The following ARHGEF10 variants were observed in gnomAD, a reference collection of about 807,000 sequenced individuals.
ARHGEF10 encodes the protein Rho guanine nucleotide exchange factor (GEF) 10.
A neutral mutation model predicts 147.4 loss-of-function variants in ARHGEF10; 140 were observed. The observed-to-expected ratio is 0.95, with a 90% CI of 0.83 to 1.09. The LOEUF is 1.09. Ranked by LOEUF, ARHGEF10 falls within the 50% of genes least tolerant of loss-of-function variation. ARHGEF10 has a pLI of 0.00. For missense variants in ARHGEF10, 2,222 were observed against 1,752.7 expected, an observed-to-expected ratio of 1.27 and a Z score of -4.78; for synonymous variants, 902 against 695.8, an observed-to-expected ratio of 1.30 and a Z score of -4.67.
At chr8:1,936,227 C>A (rs927547450) in intron 26 of ARHGEF10, among the ~76,000 whole-genome samples, 4 of 152,190 alleles carry the variant, frequency 2.6e-5, no homozygotes, top group Non-Finnish European at 4.4e-5. Context: ...ATTAAAAATT[C>A]CTCTGGGCCG....
intron 10 of ARHGEF10, among the ~76,000 whole-genome samples, chr8:1,883,994 G>A (rs1438530032): frequency 6.6e-6 from 1 of 152,148 alleles, no homozygotes; most frequent in South Asian, 2.1e-4. Context: ...TGGGTGTGTG[G>A]GACAGTCTGA....
At chr8:1,942,900 G>A (rs893137242) in intron 26 of ARHGEF10, among the ~76,000 whole-genome samples, 10 of 152,192 alleles carry the variant, frequency 6.6e-5, no homozygotes, top group African/African-American at 1.2e-4. Context: ...GAGACAGAAC[G>A]TGGATGGGAT....
At position 1,859,989 on chromosome 8, in the gene ARHGEF10, G is replaced by T. The variant is rs553433408; in HGVS notation, c.286G>T (p.Asp96Tyr). The T allele has an allele frequency of 2.5e-6, 4 of 1,613,990 alleles. No individual in the cohort carries two copies. Among genetic ancestry groups the T allele is most frequent in the African/African-American group, 1.3e-5 (1 of 74,894 alleles). ...GAAAGTCAACCCATATTCTGTCATCGACATCACGCCATTCCAGGAGGACCA... is the reference window on the plus strand; with the variant it reads ...GAAAGTCAACCCATATTCTGTCATCTACATCACGCCATTCCAGGAGGACCA... The part of the protein sequence containing the change: ...PMKVNPYSVI[D>Y]ITPFQEDQPP... The change falls in exon 4 of 29, where the codon GAC becomes TAC. Residue 96 changes from aspartate (D) to tyrosine (Y), a missense_variant. Transcript: ENST00000349830.
Position 1,929,397 on chromosome 8 carries a change from C to T in ARHGEF10, c.3033C>T (p.Tyr1011=), listed in dbSNP as rs144293528. The T allele has an allele frequency of 3.2e-5, 51 of 1,612,780 alleles. No individual in the cohort carries two copies. The highest frequency in any genetic ancestry group is 1.4e-4 in the South Asian group (13 of 90,988). The change falls in exon 25 of 29, where the codon TAC becomes TAT. Residue 1011 remains tyrosine, a synonymous_variant. Transcript: ENST00000349830. ...MSLACTSQSL[Y]AGLVNGAVAS... is the part of the protein sequence containing the mutation. ...TGGCTTGCACGTCTCAGAGCCTGTA[C>T]GCTGGCCTGGTCAACGGGGCAGTCG... is the stretch of plus-strand genomic sequence containing the variant.
At chr8:1,914,159 C>A (rs1362430550) in intron 18 of ARHGEF10, among the ~76,000 whole-genome samples, 1 of 152,242 alleles carries the variant, frequency 6.6e-6, no homozygotes, top group African/African-American at 2.4e-5. Context: ...CCGAAGGAAG[C>A]TTGAACAGCT....
chr8:1,866,814 C>T (rs1358542941), intron 6 of ARHGEF10, among the ~76,000 whole-genome samples: 2 of 152,260 alleles, frequency 1.3e-5, no homozygotes, highest in South Asian at 2.1e-4. Flanking sequence ...CAGCTCTCCA[C>T]GTCCACGCAC....
rs781053332 is a variant in ARHGEF10 at position 1,956,784 on chromosome 8, C to T, written c.3556C>T (p.Pro1186Ser). ...GGTCTCCTACCATGCACACAACAGTCCTGTCAAATTCATCGTCCTGGCCAC... is the reference window on the plus strand; with the variant it reads ...GGTCTCCTACCATGCACACAACAGTTCTGTCAAATTCATCGTCCTGGCCAC... ...GMVSYHAHNS[P>S]VKFIVLATAL... Residue 1186 changes from proline to serine, a missense_variant, in exon 29 of 29, where the codon CCT (proline) becomes TCT (serine). Transcript: ENST00000349830. 1.2e-6 allele frequency: 2 copies of T among 1,614,010 alleles called. No individual in the cohort carries two copies. The highest frequency in any genetic ancestry group is 1.7e-6 in the Non-Finnish European group (2 of 1,180,044).
chr8:1,913,463 A>G (rs975323608), intron 18 of ARHGEF10, among the ~76,000 whole-genome samples: 3 of 152,252 alleles, frequency 2.0e-5, no homozygotes, highest in African/African-American at 7.2e-5. Context: ...AATCAGTCAC[A>G]TTACTTTGTA....
intron 26 of ARHGEF10, among the ~76,000 whole-genome samples, chr8:1,935,687 C>T (rs537849024): frequency 1.3e-5 from 2 of 152,330 alleles, no homozygotes; most frequent in East Asian, 3.9e-4. Context: ...TACAGAGGAG[C>T]TTGTGCACGC....
At chr8:1,842,992 C>A (rs10113726) in intron 1 of ARHGEF10, among the ~76,000 whole-genome samples, 79,087 of 152,068 alleles carry the variant, frequency 0.52, 21,787 homozygotes, top group East Asian at 0.64. Context: ...TGGAAGAAAC[C>A]CATTTGGTTT....
intron 26 of ARHGEF10, among the ~76,000 whole-genome samples, chr8:1,940,331 G>A (rs560298826): frequency 6.6e-6 from 1 of 152,320 alleles, no homozygotes; most frequent in South Asian, 2.1e-4. Flanking sequence ...ATGGAGACTT[G>A]TGTGTGAAAC....
chr8:1,946,664 A>G (rs1204780184), intron 27 of ARHGEF10, among the ~76,000 whole-genome samples: 1 of 152,164 alleles, frequency 6.6e-6, no homozygotes, highest in Non-Finnish European at 1.5e-5. Context: ...GGGCTTCAAC[A>G]TCGAAATCTG....
intron 16 of ARHGEF10, among the ~76,000 whole-genome samples, chr8:1,904,972 G>A (rs1810766566): frequency 6.6e-6 from 1 of 152,052 alleles, no homozygotes; most frequent in Non-Finnish European, 1.5e-5. Flanking sequence ...AATACAAAAA[G>A]AAACAAATTA....
At chr8:1,950,563 A>G (rs1814949072) in intron 27 of ARHGEF10, among the ~76,000 whole-genome samples, 1 of 151,064 alleles carries the variant, frequency 6.6e-6, no homozygotes, top group Non-Finnish European at 1.5e-5. Flanking sequence ...ACGGAGTTTC[A>G]CTCCTTTTGC....
chr8:1,905,528 G>C, intron 16 of ARHGEF10, 43 bp from the exon 17 acceptor site: 2 of 1,613,724 alleles, frequency 1.2e-6, no homozygotes, highest in Non-Finnish European at 1.7e-6. Context: ...TCTTTTCCGG[G>C]TAAACTGAAC....
chr8:1,922,900 A>G, intron 18 of ARHGEF10, 64 bp from the exon 19 acceptor site: 1 of 1,149,804 alleles, frequency 8.7e-7, no homozygotes, highest in Non-Finnish European at 1.3e-6. Flanking sequence ...TTCTTCCCTC[A>G]AGTATTGGAG....
intron 4 of ARHGEF10, among the ~76,000 whole-genome samples, chr8:1,863,697 G>C (rs1806341862): frequency 6.6e-6 from 1 of 152,140 alleles, no homozygotes; most frequent in African/African-American, 2.4e-5. Context: ...TGGCGTCTCA[G>C]GCTGTCCTTG....
intron 2 of ARHGEF10, among the ~76,000 whole-genome samples, chr8:1,857,634 G>A (rs1335587099): frequency 3.3e-5 from 5 of 151,884 alleles, no homozygotes; most frequent in Non-Finnish European, 5.9e-5. Context: ...TGGCCAGGCT[G>A]GTCTCAAGCT....
At chr8:1,883,306 G>A (rs79821694) in intron 10 of ARHGEF10, among the ~76,000 whole-genome samples, 1,950 of 152,198 alleles carry the variant, frequency 0.013, 44 homozygotes, top group African/African-American at 0.044. Flanking sequence ...TTTACCGTCC[G>A]AGGAGACTTC....
Sources: allele counts gnomAD v4.1 joint callset (sites outside exome capture counted in the v4.1 genomes callset), GRCh38; gene constraint gnomAD v4.1.1; transcripts MANE v1.5; gene names NCBI Gene and HGNC (gene_info 2026-07-23, HGNC 2026-07-21).